The following SOD2 variants were observed in gnomAD, a reference collection of about 807,000 sequenced individuals.
SOD2 encodes superoxide dismutase 2.
SOD2 carries 11 observed loss-of-function variants against 27.0 expected under a neutral mutation model. The ratio of observed to expected loss-of-function variants is 0.41; its 90% CI spans 0.26 to 0.67. The LOEUF (loss-of-function observed/expected upper bound fraction) is 0.67, where lower values mean the gene tolerates loss of function less well. Ranked by LOEUF, SOD2 falls within the 30% of genes least tolerant of loss-of-function variation. SOD2 has a pLI of 0.34. For synonymous variants in SOD2, 105 were observed against 103.0 expected (o/e 1.02, Z -0.12); for missense variants, 250 against 274.5 (o/e 0.91, Z 0.63).
At chr6:159,715,090 C>T (rs1220862871) in intron 1 of SOD2, among the ~76,000 whole-genome samples, 1 of 151,860 alleles carries the variant, frequency 6.6e-6, no homozygotes, top group Non-Finnish European at 1.5e-5. Flanking sequence ...TATGTCTAGT[C>T]CATTTTCCCA....
chr6:159,761,541 C>A (rs1780125258), exon 1 of SOD2: 1 of 456,458 alleles, frequency 2.2e-6, no homozygotes, highest in African/African-American at 2.0e-5. Context: ...CCTCCCGAAG[C>A]CGCCGAGAGC....
intron 4 of SOD2, among the ~76,000 whole-genome samples, chr6:159,684,022 T>C (rs1017001080): frequency 1.3e-5 from 2 of 152,160 alleles, no homozygotes; most frequent in Admixed American, 1.3e-4. Context: ...AGTGACATTT[T>C]TTAAATCCAA....
chr6:159,679,095 T>C lies in SOD2; in HGVS notation c.*3398A>G, dbSNP rs964411574. On this transcript the variant is annotated 3_prime_UTR_variant, in exon 5 of 5. Coordinates refer to ENST00000538183, the MANE Select transcript of SOD2 (RefSeq NM_000636.4). Reference sequence around the variant, plus strand: ...TATAGGATTTTTAAAGTTTTTGACATGCAAGCATAATGCAGACCTCTTTGA... The same window carrying C: ...TATAGGATTTTTAAAGTTTTTGACACGCAAGCATAATGCAGACCTCTTTGA... 1.3e-5 allele frequency: 2 copies of C among 152,212 alleles called. No individual in the cohort carries two copies. The highest frequency in any genetic ancestry group is 4.8e-5 in the African/African-American group (2 of 41,450). 9.4% of individuals were successfully genotyped at this position (152,212 alleles called of 1,614,324 possible). A position where few individuals can be genotyped will look rare whatever the true frequency, so the allele number is the denominator to read the frequency against.
At chr6:159,719,765 C>T (rs542117778) in intron 1 of SOD2, among the ~76,000 whole-genome samples, 1 of 150,084 alleles carries the variant, frequency 6.7e-6, no homozygotes, top group African/African-American at 2.4e-5. Context: ...ATTCTGTCCC[C>T]CAGGTTGGAG....
At position 159,676,335 on chromosome 6, in the gene SOD2, T is replaced by G. The variant is rs1779779438; in HGVS notation, c.*6158A>C. 2 of 152,170 alleles carry G rather than the reference T, an allele frequency of 1.3e-5. No homozygotes were observed. Among genetic ancestry groups the G allele is most frequent in the African/African-American group, 4.8e-5 (2 of 41,426 alleles). 9.4% of individuals were successfully genotyped at this position (152,170 alleles called of 1,614,324 possible). A position where few individuals can be genotyped will look rare whatever the true frequency, so the allele number is the denominator to read the frequency against. On this transcript the variant is annotated 3_prime_UTR_variant, in exon 5 of 5. Coordinates refer to ENST00000538183, the MANE Select transcript of SOD2 (RefSeq NM_000636.4). Reference sequence around the variant, plus strand: ...TGGCACTGTTCACAATAGCAAAGACTTGGAACCAACCCAAATGTCCATCAA... The same window carrying G: ...TGGCACTGTTCACAATAGCAAAGACGTGGAACCAACCCAAATGTCCATCAA...
intron 1 of SOD2, among the ~76,000 whole-genome samples, chr6:159,758,392 C>T (rs965707440): frequency 7.2e-5 from 11 of 152,130 alleles, no homozygotes; most frequent in South Asian, 2.1e-4. Flanking sequence ...ATACAGAGAG[C>T]GCAATAGATG....
intron 1 of SOD2, among the ~76,000 whole-genome samples, chr6:159,723,591 T>C (rs1778081966): frequency 6.6e-6 from 1 of 152,218 alleles, no homozygotes. Context: ...GTGCTCACTG[T>C]TACTGTAGGG....
upstream of SOD2, chr6:159,693,333 C>T (rs1474148438): frequency 1.3e-5 from 4 of 319,510 alleles, no homozygotes; most frequent in East Asian, 6.4e-5. Flanking sequence ...GCCCCGCCCC[C>T]CCCCCCCGCG....
At chr6:159,711,897 C>G (rs916010403) in intron 1 of SOD2, among the ~76,000 whole-genome samples, 301 of 130,322 alleles carry the variant, frequency 2.3e-3, no homozygotes, top group African/African-American at 7.1e-3. Flanking sequence ...ATAACCACCA[C>G]TCACATTGCT....
chr6:159,688,994 C>T (rs1780321584), intron 2 of SOD2, among the ~76,000 whole-genome samples: 1 of 152,232 alleles, frequency 6.6e-6, no homozygotes, highest in South Asian at 2.1e-4. Flanking sequence ...GCACTGGTGC[C>T]ACTATCCCCT....
chr6:159,731,316 A>C (rs1400902715), upstream of SOD2, among the ~76,000 whole-genome samples: 5 of 151,648 alleles, frequency 3.3e-5, no homozygotes, highest in Non-Finnish European at 7.4e-5. Context: ...AAAAAAAAAC[A>C]AATTAGCTGG....
intron 1 of SOD2, among the ~76,000 whole-genome samples, chr6:159,707,685 G>T (rs1420458349): frequency 1.3e-5 from 2 of 152,116 alleles, no homozygotes; most frequent in Admixed American, 1.3e-4. Flanking sequence ...TTCTACCAGA[G>T]GTACAAGGAG....
intron 1 of SOD2, among the ~76,000 whole-genome samples, chr6:159,717,889 G>A (rs985607430): frequency 7.6e-4 from 99 of 129,640 alleles, no homozygotes; most frequent in Non-Finnish European, 1.3e-3. Flanking sequence ...ACATATATAT[G>A]TATGGATATG....
upstream of SOD2, among the ~76,000 whole-genome samples, chr6:159,693,810 C>T (rs1310235854): frequency 6.6e-6 from 1 of 152,230 alleles, no homozygotes; most frequent in African/African-American, 2.4e-5. Flanking sequence ...CCTTCCAACC[C>T]GTATTCAGTA....
At chr6:159,756,726 C>T (rs1039320145) in intron 1 of SOD2, among the ~76,000 whole-genome samples, 5 of 151,106 alleles carry the variant, frequency 3.3e-5, no homozygotes, top group East Asian at 1.9e-4. Context: ...TTCAGGCTTC[C>T]GAGTACCTGA....
At position 159,725,786 on chromosome 6, in the gene SOD2, TAAGTA is replaced by T. The variant is rs535556567; in HGVS notation, c.-116+1338_-116+1342del. 26 of 151,996 alleles carry T rather than the reference TAAGTA, an allele frequency of 1.7e-4. No homozygotes were observed. The South Asian group carries it at 2.1e-3, about 12-fold the overall frequency. 9.4% of individuals were successfully genotyped at this position (151,996 alleles called of 1,614,324 possible). On this transcript the variant is annotated intron_variant, in intron 1 of 2. Transcript: ENST00000401980. ...ATATAAATATATATTTTTATGTATT[TAAGTA>T]AATACATAAAAGCATATATGCTTAT... is the stretch of plus-strand genomic sequence containing the variant.
chr6:159,727,862 C>T (rs891935225), upstream of SOD2, among the ~76,000 whole-genome samples: 1 of 152,222 alleles, frequency 6.6e-6, no homozygotes, highest in Admixed American at 6.5e-5. Flanking sequence ...ACCTTCCCGC[C>T]TGCGGGGAAC....
At chr6:159,748,375 C>T (rs1205317005), upstream of SOD2, 1 of 1,613,392 alleles carries the variant, frequency 6.2e-7, no homozygotes, top group Non-Finnish European at 8.5e-7. The surrounding 1 kb of genome is among the most constrained non-coding windows in gnomAD (Gnocchi z 5.6). Context: ...GATAGGTAAA[C>T]AAATCATACT....
chr6:159,755,647 A>G, intron 1 of SOD2: 2 of 1,530,798 alleles, frequency 1.3e-6, no homozygotes, highest in Non-Finnish European at 1.8e-6. Context: ...GTGTCATTTA[A>G]TTTGGGAGAG....
Sources: gnomAD v4.1 joint callset for allele counts (sites outside exome capture counted in the v4.1 genomes callset) on GRCh38, gnomAD v4.1.1 for gene constraint, Gnocchi (gnomAD v3.1) non-coding constraint, MANE v1.5 for transcripts, NCBI Gene and HGNC (gene_info 2026-07-23, HGNC 2026-07-21) for gene names.